SLC15A2: variants seen among roughly 807,000 people sequenced by gnomAD.
SLC15A2 encodes solute carrier family 15 member 2, also known as kidney H(+)/peptide cotransporter.
In SLC15A2, 77 loss-of-function variants were observed where a neutral mutation model predicts 95.5. That is an observed-to-expected ratio of 0.81 (90% CI 0.67 to 0.97). The LOEUF is 0.97. SLC15A2 is among the 50% of genes least tolerant of loss of function. The pLI, the probability that SLC15A2 is intolerant of heterozygous loss-of-function variation, is 0.00. For synonymous variants in SLC15A2, 306 were observed against 306.9 expected (o/e 1.00, Z 0.03); for missense variants, 893 against 874.4 (o/e 1.02, Z -0.27).
At chr3:121,936,304 A>T (rs969754810) in intron 19 of SLC15A2, among the ~76,000 whole-genome samples, 1 of 152,026 alleles carries the variant, frequency 6.6e-6, no homozygotes. Context: ...AGCTGAGTTC[A>T]ATTCCTGGGT....
At chr3:121,914,273 C>T (rs533120514) in intron 5 of SLC15A2, among the ~76,000 whole-genome samples, 3 of 152,122 alleles carry the variant, frequency 2.0e-5, no homozygotes, top group Admixed American at 1.3e-4. Context: ...GGGAAGGACT[C>T]GTTGTTCTAA....
chr3:121,914,940 G>T, intron 5 of SLC15A2: 1 of 1,038,236 alleles, frequency 9.6e-7, no homozygotes, highest in Non-Finnish European at 1.2e-6. Context: ...TATTAGAATA[G>T]CTATATACAG....
chr3:121,906,051 A>G (rs1476370275), intron 3 of SLC15A2, among the ~76,000 whole-genome samples: 1 of 152,172 alleles, frequency 6.6e-6, no homozygotes, highest in Non-Finnish European at 1.5e-5. Flanking sequence ...GTGCATATAT[A>G]TTTAGGATAG....
chr3:121,916,225 A>T (rs900307591), intron 7 of SLC15A2, among the ~76,000 whole-genome samples: 1 of 152,196 alleles, frequency 6.6e-6, no homozygotes, highest in African/African-American at 2.4e-5. Context: ...GAGGAGTTGG[A>T]TAAATAGGTG....
rs1423680693 is a variant in SLC15A2, at chr3:121,939,499, A to C, written c.1908+4A>C. The stretch of plus-strand genomic sequence containing the variant: ...TCTTGAGTTTTCTTATTCTCAGGTA[A>C]GTTTTTGCAAATAGAAGGTAGAAAT... On this transcript the variant is annotated splice_donor_region_variant and intron_variant, in intron 20 of 21. Coordinates refer to ENST00000489711, the MANE Select transcript of SLC15A2 (RefSeq NM_021082.4). 6.7e-7 allele frequency: 1 copy of C among 1,487,780 alleles called. No homozygotes were observed. Among genetic ancestry groups the C allele is most frequent in the Admixed American group, 2.5e-5 (1 of 39,716 alleles). 92.2% of individuals were successfully genotyped at this position (1,487,780 alleles called of 1,614,324 possible).
Position 121,939,433 on chromosome 3 carries a change from G to A in SLC15A2, c.1846G>A (p.Ala616Thr). The change falls in exon 20 of 22, where the codon GCC (alanine) becomes ACC (threonine). Residue 616 changes from alanine to threonine, a missense_variant. Physicochemically the swap from Ala to Thr is moderately conservative, Grantham distance 58. Coordinates refer to ENST00000489711, the MANE Select transcript of SLC15A2 (RefSeq NM_021082.4). ...CATTGCGTGGCAGCTACCACAATAT[G>A]CCCTGGTTACAGCTGGGGAGGTCAT... is the stretch of plus-strand genomic sequence containing the variant. Reference protein sequence around the residue: ...MSIAWQLPQYALVTAGEVMFS... With the variant: ...MSIAWQLPQYTLVTAGEVMFS... 6.4e-7 allele frequency: 1 copy of A among 1,574,670 alleles called. No individual in the cohort carries two copies. The highest frequency in any genetic ancestry group is 8.6e-7 in the Non-Finnish European group (1 of 1,161,144).
chr3:121,938,563 A>G (rs576111534), intron 19 of SLC15A2, among the ~76,000 whole-genome samples: 41 of 152,272 alleles, frequency 2.7e-4, no homozygotes, highest in African/African-American at 9.9e-4. Flanking sequence ...TTGACTAGGA[A>G]AGGGAACTCC....
In SLC15A2 at chr3:121,930,896, T is replaced by G; in HGVS notation, c.1610T>G (p.Leu537Arg). ...VNISLSTDTS[L>R]NVGEDYGVSA... Reference sequence around the variant, plus strand: ...ATCTCCCTGAGTACAGATACCTCTCTCAATGTTGGTGAAGACTATGGTGTG... The same window carrying G: ...ATCTCCCTGAGTACAGATACCTCTCGCAATGTTGGTGAAGACTATGGTGTG... The change falls in exon 18 of 22, where the codon CTC becomes CGC. Residue 537 changes from leucine (L) to arginine (R), a missense_variant. Physicochemically the swap from Leu to Arg is moderately radical, Grantham distance 102. Coordinates refer to ENST00000489711, the MANE Select transcript of SLC15A2 (RefSeq NM_021082.4). 1 of 1,613,800 alleles carries G rather than the reference T, an allele frequency of 6.2e-7. No individual in the cohort carries two copies. Among genetic ancestry groups the G allele is most frequent in the Admixed American group, 1.7e-5 (1 of 60,022 alleles).
chr3:121,930,909 A>G lies in SLC15A2; in HGVS notation c.1623A>G (p.Glu541=). The change falls in exon 18 of 22, where the codon GAA becomes GAG. Residue 541 remains glutamate (E), a synonymous_variant. Coordinates refer to ENST00000489711, the MANE Select transcript of SLC15A2 (RefSeq NM_021082.4). ...CAGATACCTCTCTCAATGTTGGTGA[A>G]GACTATGGTGTGTCTGCTTATAGAA... ...LSTDTSLNVG[E]DYGVSAYRTV... is the part of the protein sequence containing the mutation. The G allele has an allele frequency of 6.2e-7, 1 of 1,613,558 alleles. No homozygotes were observed. The highest frequency in any genetic ancestry group is 8.5e-7 in the Non-Finnish European group (1 of 1,179,484).
chr3:121,915,047 A>G (rs1178787996), intron 5 of SLC15A2, 180 bp from the exon 6 acceptor site: 2 of 1,312,590 alleles, frequency 1.5e-6, no homozygotes, highest in East Asian at 2.8e-5. Flanking sequence ...AAAGGTGAGT[A>G]AATGATTGGG....
At chr3:121,905,534 T>C (rs2107575783) in intron 3 of SLC15A2, among the ~76,000 whole-genome samples, 1 of 152,330 alleles carries the variant, frequency 6.6e-6, no homozygotes, top group African/African-American at 2.4e-5. Flanking sequence ...GTCCCAGAGA[T>C]TCTGGTATGT....
At position 121,928,700 on chromosome 3, in the gene SLC15A2, T is replaced by A. The variant is rs971655451; in HGVS notation, c.1341+145T>A. On this transcript the variant is annotated intron_variant, in intron 15 of 21. Transcript: ENST00000489711. ...ATTTTAATGGGCATATAATATTCCA[T>A]TCTATAGATATACCATAGTTTATTT... 7 of 933,102 alleles carry A rather than the reference T, an allele frequency of 7.5e-6. No homozygotes were observed. In the African/African-American group the frequency reaches 1.0e-4, roughly 13 times the overall value. 57.8% of individuals were successfully genotyped at this position (933,102 alleles called of 1,614,324 possible). A position where few individuals can be genotyped will look rare whatever the true frequency, so the allele number is the denominator to read the frequency against.
chr3:121,922,358 C>A, intron 8 of SLC15A2, 56 bp downstream of exon 8: 1 of 1,398,900 alleles, frequency 7.1e-7, no homozygotes, highest in Non-Finnish European at 1.0e-6. Context: ...AGATGCTATG[C>A]TGAGAATATG....
At chr3:121,938,506 C>A (rs371698513) in intron 19 of SLC15A2, among the ~76,000 whole-genome samples, 1 of 151,826 alleles carries the variant, frequency 6.6e-6, no homozygotes, top group Non-Finnish European at 1.5e-5. Flanking sequence ...CGCAGTATTC[C>A]GGTGGGAGTG....
intron 7 of SLC15A2, among the ~76,000 whole-genome samples, chr3:121,918,748 T>C (rs1183418919): frequency 6.6e-6 from 1 of 151,924 alleles, no homozygotes; most frequent in African/African-American, 2.4e-5. Context: ...TGTTCCTGAG[T>C]GGGAGATTAA....
chr3:121,928,090 C>T (rs1710157378), intron 14 of SLC15A2, among the ~76,000 whole-genome samples: 1 of 152,178 alleles, frequency 6.6e-6, no homozygotes, highest in Non-Finnish European at 1.5e-5. Flanking sequence ...CAAGAGAGCC[C>T]TCTCCTTAGG....
Position 121,937,252 on chromosome 3 carries a change from C to T in SLC15A2, c.1762-2097C>T, listed in dbSNP as rs1233203314. 1.2e-4 allele frequency among the ~76,000 whole-genome samples: 9 copies of T among 76,896 alleles called. No homozygotes were observed. The East Asian group carries it at 2.0e-3, about 17-fold the overall frequency. 50.4% of individuals were successfully genotyped at this position (76,896 alleles called of 152,430 possible). A position where few individuals can be genotyped will look rare whatever the true frequency, so the allele number is the denominator to read the frequency against. The stretch of plus-strand genomic sequence containing the variant: ...CTGACAATTATGTGTCTTGGAGTTG[C>T]TCTTCTCGAGGAGTATCTTTGTGGC... On this transcript the variant is annotated intron_variant, in intron 19 of 21. Transcript: ENST00000489711.
intron 3 of SLC15A2, among the ~76,000 whole-genome samples, chr3:121,903,485 T>C (rs1709561128): frequency 6.6e-6 from 1 of 152,222 alleles, no homozygotes; most frequent in Non-Finnish European, 1.5e-5. Flanking sequence ...TGGTTTTAGG[T>C]CTAACATGTA....
At chr3:121,929,649 T>C (rs1274499529) in intron 17 of SLC15A2, among the ~76,000 whole-genome samples, 2 of 152,206 alleles carry the variant, frequency 1.3e-5, no homozygotes, top group East Asian at 1.9e-4. Context: ...TTTCTCTCTG[T>C]GATCGCCAGA....
Sources: gnomAD v4.1 joint callset for allele counts (sites outside exome capture counted in the v4.1 genomes callset) on GRCh38, gnomAD v4.1.1 for gene constraint, MANE v1.5 for transcripts, NCBI Gene and HGNC (gene_info 2026-07-23, HGNC 2026-07-21) for gene names.